Variants in CAMK2B observed in about 807,000 individuals in gnomAD.
The protein encoded by CAMK2B is calcium/calmodulin dependent protein kinase II beta.
In CAMK2B, 27 loss-of-function variants were observed where a neutral mutation model predicts 93.7. The observed-to-expected ratio is 0.29, with a 90% CI of 0.21 to 0.40. The LOEUF is 0.40. Among genes scored for constraint, CAMK2B ranks in the 10% least tolerant of loss-of-function variants. CAMK2B has a pLI of 1.00. For missense variants in CAMK2B, 568 were observed against 895.8 expected (o/e 0.63, Z 4.67); for synonymous variants, 374 against 358.8 (o/e 1.04, Z -0.48).
intron 16 of CAMK2B, 30 bp downstream of exon 16, chr7:44,232,792 G>T: frequency 6.2e-7 from 1 of 1,611,112 alleles, no homozygotes; most frequent in South Asian, 1.1e-5. Flanking sequence ...CCTGCCTGGG[G>T]AAAGCGGGAG....
At position 44,307,107 on chromosome 7, in the gene CAMK2B, T is replaced by G. The variant is rs1584841043; in HGVS notation, c.65+18250A>C. ...GGGTCTGAGCAGGGGATGGAGGGTG[T>G]GAGCAGGAGGAGGGTGTGAGCAGGG... On this transcript the variant is annotated intron_variant, in intron 1 of 23. Coordinates refer to ENST00000395749, the MANE Select transcript of CAMK2B (RefSeq NM_001220.5). 1.6e-4 allele frequency among the ~76,000 whole-genome samples: 3 copies of G among 18,238 alleles called. No individual in the cohort carries two copies. The Admixed American group carries it at 2.4e-3, about 14-fold the overall frequency. 12.0% of individuals were successfully genotyped at this position (18,238 alleles called of 152,430 possible).
chr7:44,255,281 A>G (rs1013369451), intron 4 of CAMK2B, among the ~76,000 whole-genome samples: 2 of 152,090 alleles, frequency 1.3e-5, no homozygotes, highest in Non-Finnish European at 2.9e-5. Flanking sequence ...ATTGGGCCCT[A>G]TGGTCAGGAT....
Position 44,275,340 on chromosome 7 carries a change from C to T in CAMK2B, c.160+8791G>A, listed in dbSNP as rs547786040. Among the ~76,000 whole-genome samples the T allele has an allele frequency of 2.0e-5, 3 of 152,366 alleles. No homozygotes were observed. The East Asian group carries it at 5.8e-4, about 29-fold the overall frequency. On this transcript the variant is annotated intron_variant, in intron 2 of 23. Transcript: ENST00000395749. ...CACCCAGAACCAGAGAGCAGGAGGT[C>T]ATGATGCTGCCCACCCTTTCTCCAC...
intron 5 of CAMK2B, 97 bp from the exon 6 acceptor site, chr7:44,247,289 G>T (rs758109918): frequency 5.1e-6 from 5 of 976,128 alleles, no homozygotes; most frequent in Non-Finnish European, 8.1e-6. Context: ...GGCCTGGGGG[G>T]ACCAGGGGGA....
At chr7:44,270,686 C>T (rs1327849864) in intron 2 of CAMK2B, among the ~76,000 whole-genome samples, 2 of 152,234 alleles carry the variant, frequency 1.3e-5, no homozygotes, top group African/African-American at 4.8e-5. Context: ...TCAAGTAGCG[C>T]TGTTCCTGTC....
rs983557118 is a variant in CAMK2B, at chr7:44,263,130, T to C, written c.161-66A>G. On this transcript the variant is annotated intron_variant, in intron 2 of 23. Coordinates refer to ENST00000395749, the MANE Select transcript of CAMK2B (RefSeq NM_001220.5). The stretch of plus-strand genomic sequence containing the variant: ...CAACTGGTGGCCCAGGGATCGTCCA[T>C]GTCAGGAGAGGCCCACAAGGGTGTG... 6 of 1,505,132 alleles carry C rather than the reference T, an allele frequency of 4.0e-6. No homozygotes were observed. The African/African-American group carries it at 4.1e-5, about 10-fold the overall frequency. The allele number at this position is 1,505,132 out of a possible 1,614,324, so 93.2% of individuals were successfully genotyped here. A position where few individuals can be genotyped will look rare whatever the true frequency, so the allele number is the denominator to read the frequency against.
At chr7:44,240,038 G>C (rs1308324347) in intron 12 of CAMK2B, among the ~76,000 whole-genome samples, 1 of 152,174 alleles carries the variant, frequency 6.6e-6, no homozygotes, top group Non-Finnish European at 1.5e-5. Flanking sequence ...GATGCAAACG[G>C]ACAACGAGAG....
At chr7:44,242,444 G>A (rs974486100) in intron 9 of CAMK2B, 104 bp from the exon 10 acceptor site, 1 of 1,536,274 alleles carries the variant, frequency 6.5e-7, no homozygotes, top group Non-Finnish European at 8.9e-7. Context: ...TGGGAGAGCA[G>A]GACCCAGGAC....
At chr7:44,301,168 T>G (rs1173655145) in intron 1 of CAMK2B, among the ~76,000 whole-genome samples, 3 of 152,196 alleles carry the variant, frequency 2.0e-5, no homozygotes, top group African/African-American at 7.2e-5. Flanking sequence ...CACTCTGTCA[T>G]GCAGGCTGGA....
At chr7:44,282,199 C>G (rs574825832) in intron 2 of CAMK2B, among the ~76,000 whole-genome samples, 31 of 152,362 alleles carry the variant, frequency 2.0e-4, no homozygotes, top group African/African-American at 7.2e-4. Context: ...GCCACAGGCA[C>G]AACTGAGCAC....
intron 20 of CAMK2B, 50 bp from the exon 21 acceptor site, chr7:44,220,951 C>T (rs779385023): frequency 2.8e-5 from 42 of 1,487,322 alleles, no homozygotes; most frequent in Non-Finnish European, 3.5e-5. Context: ...CCATTCCCCC[C>T]GGACCCCTCC....
chr7:44,284,204 T>A lies in CAMK2B; in HGVS notation c.87A>T (p.Arg29=). The part of the protein sequence containing the change: ...DIGKGAFSVV[R]RCVKLCTGHE... ...GGCCGGTGCAGAGCTTGACACAGCG[T>A]CGGACCACAGAGAAAGCCCCCCTGG... Residue 29 remains arginine (R), a synonymous_variant, in exon 2 of 24, where the codon CGA becomes CGT. Coordinates refer to ENST00000395749, the MANE Select transcript of CAMK2B (RefSeq NM_001220.5). 6.2e-7 allele frequency: 1 copy of A among 1,612,978 alleles called. No homozygotes were observed.
At chr7:44,247,901 G>A (rs1421301549) in intron 5 of CAMK2B, among the ~76,000 whole-genome samples, 2 of 152,100 alleles carry the variant, frequency 1.3e-5, no homozygotes, top group East Asian at 1.9e-4. Context: ...GGTGGTGGGC[G>A]GCTGTAATCC....
At chr7:44,228,716 G>A in intron 19 of CAMK2B, 80 bp downstream of exon 19, 9 of 1,327,008 alleles carry the variant, frequency 6.8e-6, no homozygotes, top group South Asian at 3.3e-5. Context: ...CGTGCATGCA[G>A]GTGGGAAGCT....
intron 6 of CAMK2B, 49 bp downstream of exon 6, chr7:44,247,071 T>G (rs2096738440): frequency 6.9e-7 from 1 of 1,451,014 alleles, no homozygotes; most frequent in African/African-American, 1.4e-5. Context: ...GTACACAGCA[T>G]GCAGGTACAG....
intron 1 of CAMK2B, among the ~76,000 whole-genome samples, chr7:44,321,867 A>T (rs1796158740): frequency 6.6e-6 from 1 of 152,210 alleles, no homozygotes; most frequent in South Asian, 2.1e-4. Flanking sequence ...GAATGGCAGC[A>T]CCCAGGGAAA....
chr7:44,271,415 C>T lies in CAMK2B; in HGVS notation c.161-8351G>A, dbSNP rs919595623. Among the ~76,000 whole-genome samples, 3 of 152,248 alleles carry T rather than the reference C, an allele frequency of 2.0e-5. No homozygotes were observed. Among genetic ancestry groups the T allele is most frequent in the Admixed American group, 6.5e-5 (1 of 15,286 alleles). On this transcript the variant is annotated intron_variant, in intron 2 of 23. Coordinates refer to ENST00000395749, the MANE Select transcript of CAMK2B (RefSeq NM_001220.5). The surrounding 1 kb of genome is among the most constrained non-coding windows in gnomAD (Gnocchi z 4.2). ...GTGGCACTGAGCAGCTCGGCCAGAA[C>T]CTGATAGGACATCCTGGGCCTTGAC...
At chr7:44,276,866 C>CA (rs1318232532) in intron 2 of CAMK2B, among the ~76,000 whole-genome samples, 1 of 152,216 alleles carries the variant, frequency 6.6e-6, no homozygotes, top group African/African-American at 2.4e-5. Flanking sequence ...GTCCACCTCT[C>CA]AGCTTCTTCG....
At chr7:44,317,248 GA>G (rs556397526) in intron 1 of CAMK2B, among the ~76,000 whole-genome samples, 12,113 of 105,018 alleles carry the variant, frequency 0.12, 738 homozygotes, top group African/African-American at 0.25. Flanking sequence ...CAGGAAAAAT[GA>G]AAAAAAAAAA....
Sources: gnomAD v4.1 joint callset for allele counts (sites outside exome capture counted in the v4.1 genomes callset) on GRCh38, gnomAD v4.1.1 for gene constraint, Gnocchi (gnomAD v3.1) non-coding constraint, MANE v1.5 for transcripts, NCBI Gene and HGNC (gene_info 2026-07-23, HGNC 2026-07-21) for gene names.